CACNA2D3: variants seen among roughly 807,000 people sequenced by gnomAD.
CACNA2D3 encodes voltage-dependent calcium channel subunit alpha-2/delta-3.
In CACNA2D3, 60 loss-of-function variants were observed where a neutral mutation model predicts 160.6. The observed-to-expected ratio is 0.37, with a 90% CI of 0.30 to 0.46. The LOEUF is 0.46. Among genes scored for constraint, CACNA2D3 ranks in the 20% least tolerant of loss-of-function variants. The pLI is 1.00. For synonymous variants in CACNA2D3, 558 were observed against 492.9 expected (o/e 1.13, Z -1.75); for missense variants, 1,205 against 1,365.0 (o/e 0.88, Z 1.85).
chr3:54,921,400 G>A (rs9855191), intron 27 of CACNA2D3, among the ~76,000 whole-genome samples: 93,488 of 152,022 alleles, frequency 0.61, 28,947 homozygotes, highest in East Asian at 0.76. Context: ...CTAGCTCAGA[G>A]TAAATGTTTA....
intron 9 of CACNA2D3, among the ~76,000 whole-genome samples, chr3:54,608,007 AG>A (rs35329935): frequency 0.54 from 82,052 of 152,044 alleles, 22,851 homozygotes; most frequent in African/African-American, 0.68. Flanking sequence ...CTAGGAGTGG[AG>A]GGGAGTATAG....
chr3:54,780,874 A>G (rs528360558), intron 13 of CACNA2D3, among the ~76,000 whole-genome samples: 66 of 152,282 alleles, frequency 4.3e-4, no homozygotes, highest in African/African-American at 1.4e-3. Context: ...GCACTTGACA[A>G]TCTGCTTCTT....
At chr3:54,690,565 G>C (rs1186344308) in intron 11 of CACNA2D3, among the ~76,000 whole-genome samples, 1 of 151,840 alleles carries the variant, frequency 6.6e-6, no homozygotes, top group Non-Finnish European at 1.5e-5. Flanking sequence ...ATTTTCCATG[G>C]AGTATGTTAT....
At chr3:54,429,761 T>G (rs1211501743) in intron 4 of CACNA2D3, among the ~76,000 whole-genome samples, 1 of 152,210 alleles carries the variant, frequency 6.6e-6, no homozygotes, top group African/African-American at 2.4e-5. Context: ...TGCCACAGAT[T>G]TTTCTCGGAT....
intron 5 of CACNA2D3, among the ~76,000 whole-genome samples, chr3:54,550,229 C>T (rs73093854): frequency 0.016 from 2,374 of 152,300 alleles, 40 homozygotes; most frequent in Non-Finnish European, 0.023. Flanking sequence ...GCCCTGAGCC[C>T]ACCCCATCCT....
chr3:54,394,384 A>G (rs1699337538), intron 4 of CACNA2D3, among the ~76,000 whole-genome samples: 1 of 147,900 alleles, frequency 6.8e-6, no homozygotes, highest in Admixed American at 6.8e-5. Flanking sequence ...CAGGTTACAT[A>G]TGTATACATG....
At chr3:54,642,084 A>G in intron 10 of CACNA2D3, 44 bp from the exon 11 acceptor site, 1 of 1,280,676 alleles carries the variant, frequency 7.8e-7, no homozygotes. Flanking sequence ...GATACACAGA[A>G]TTCTCTGATA....
chr3:54,627,845 C>T lies in CACNA2D3; in HGVS notation c.1022C>T (p.Ala341Val). Residue 341 changes from alanine to valine, a missense_variant, in exon 10 of 38, where the codon GCT (alanine) becomes GTT (valine). Around this residue, in one of 3 missense-constraint regions of CACNA2D3, gnomAD observed 911 missense variants for 1,002.2 expected, o/e 0.91. Transcript: ENST00000474759. ...FAKGIGMLDI[A>V]LNEAFNILSD... ...AAAGGAATTGGAATGTTGGATATAG[C>T]TCTGAATGAGGCCTTCAACATTCTG... The T allele has an allele frequency of 6.2e-7, 1 of 1,608,810 alleles. No homozygotes were observed. Among genetic ancestry groups the T allele is most frequent in the Non-Finnish European group, 8.5e-7 (1 of 1,177,304 alleles).
rs190157046 is a variant in CACNA2D3 at position 54,295,448 on chromosome 3, A to T, written c.205-24994A>T. 1.5e-3 allele frequency among the ~76,000 whole-genome samples: 226 copies of T among 152,342 alleles called. 1 individual carries two copies. The highest frequency in any genetic ancestry group is 5.0e-3 in the African/African-American group (208 of 41,580). On this transcript the variant is annotated intron_variant, in intron 2 of 37. Transcript: ENST00000474759. ...AAGACGTGCCCAAGGTAGTCGGGGC[A>T]CAGCTTGGTTTTATACATTTTAGGG...
chr3:54,808,676 A>G (rs762468672), intron 13 of CACNA2D3, among the ~76,000 whole-genome samples: 1 of 152,148 alleles, frequency 6.6e-6, no homozygotes, highest in Non-Finnish European at 1.5e-5. Flanking sequence ...ACATAAAGAG[A>G]TAAGTGTTCT....
intron 25 of CACNA2D3, among the ~76,000 whole-genome samples, chr3:54,896,262 A>T (rs9815509): frequency 1.3e-5 from 2 of 152,088 alleles, no homozygotes; most frequent in African/African-American, 2.4e-5. Flanking sequence ...AGGTACAAAG[A>T]TCTCAGTGTG....
chr3:54,328,080 T>A (rs1024105376), intron 3 of CACNA2D3, among the ~76,000 whole-genome samples: 1 of 152,234 alleles, frequency 6.6e-6, no homozygotes, highest in African/African-American at 2.4e-5. Context: ...TTGATGCATT[T>A]ATTAGGATGT....
At chr3:54,914,397 T>C (rs1020881159) in intron 27 of CACNA2D3, among the ~76,000 whole-genome samples, 3 of 152,202 alleles carry the variant, frequency 2.0e-5, no homozygotes, top group African/African-American at 7.2e-5. Context: ...TCTCCAGGCC[T>C]GGACTAAATG....
chr3:54,344,737 G>T (rs932485175), intron 3 of CACNA2D3, among the ~76,000 whole-genome samples: 7 of 152,140 alleles, frequency 4.6e-5, no homozygotes, highest in African/African-American at 1.7e-4. Context: ...GCTGTCAGAG[G>T]TGTGTGAACC....
intron 35 of CACNA2D3, among the ~76,000 whole-genome samples, chr3:55,042,843 C>T (rs530727196): frequency 1.0e-3 from 152 of 152,230 alleles, no homozygotes; most frequent in African/African-American, 3.6e-3. Flanking sequence ...ATTTTTGTGA[C>T]CCTACAATTT....
intron 8 of CACNA2D3, 129 bp downstream of exon 8, chr3:54,570,233 C>A: frequency 1.0e-6 from 1 of 977,624 alleles, no homozygotes; most frequent in Non-Finnish European, 1.6e-6. Context: ...TGGTTAGTCT[C>A]ATGAAAGTTG....
At position 54,945,138 on chromosome 3, in the gene CACNA2D3, A is replaced by G. The variant is rs559725027; in HGVS notation, c.2450-23312A>G. Among the ~76,000 whole-genome samples the G allele has an allele frequency of 4.6e-5, 7 of 152,254 alleles. No homozygotes were observed. The South Asian group carries it at 6.2e-4, about 14-fold the overall frequency. ...AAAGGAAGGTTAGGAATTCCCATCA[A>G]TCAGCATGCAGGTACTCATTTTCCC... On this transcript the variant is annotated intron_variant, in intron 27 of 37. Transcript: ENST00000474759.
intron 11 of CACNA2D3, among the ~76,000 whole-genome samples, chr3:54,664,029 C>A (rs2106886084): frequency 6.6e-6 from 1 of 152,356 alleles, no homozygotes; most frequent in Non-Finnish European, 1.5e-5. Context: ...CAGAGTCCCT[C>A]AAAGCAAGTG....
chr3:54,239,439 G>A (rs1229071837), intron 2 of CACNA2D3, among the ~76,000 whole-genome samples: 1 of 152,212 alleles, frequency 6.6e-6, no homozygotes, highest in Admixed American at 6.5e-5. Flanking sequence ...CATGGACAAA[G>A]TTTAATGTCA....
Sources: allele counts gnomAD v4.1 joint callset (sites outside exome capture counted in the v4.1 genomes callset), GRCh38; gene constraint gnomAD v4.1.1; regional missense constraint gnomAD v4.1.1; transcripts MANE v1.5; gene names NCBI Gene and HGNC (gene_info 2026-07-23, HGNC 2026-07-21).